The following CCDC69 variants were observed in gnomAD, a reference collection of about 807,000 sequenced individuals.
The protein encoded by CCDC69 is coiled-coil domain containing 69.
Under a neutral mutation model 40.3 loss-of-function variants are expected in CCDC69, and 38 were observed. The observed-to-expected ratio is 0.94, with a 90% CI of 0.73 to 1.24. The LOEUF is 1.24. CCDC69 is among the 50% of genes most tolerant of loss of function. The pLI is 0.00. For synonymous variants in CCDC69, 141 were observed against 138.9 expected, an observed-to-expected ratio of 1.02 and a Z score of -0.11; for missense variants, 389 against 357.9, an observed-to-expected ratio of 1.09 and a Z score of -0.70.
At chr5:151,196,503 G>T (rs999667670) in intron 4 of CCDC69, among the ~76,000 whole-genome samples, 1 of 151,968 alleles carries the variant, frequency 6.6e-6, no homozygotes, top group Non-Finnish European at 1.5e-5. Flanking sequence ...AAGGCCATGC[G>T]AATACTCATG....
chr5:151,200,275 A>G (rs1437409329), intron 3 of CCDC69, among the ~76,000 whole-genome samples: 2 of 152,014 alleles, frequency 1.3e-5, no homozygotes, highest in East Asian at 3.9e-4. Flanking sequence ...AGTAGCTGGG[A>G]TTACAGGCAT....
At chr5:151,216,035 T>A (rs1195974862) in intron 1 of CCDC69, among the ~76,000 whole-genome samples, 2 of 152,252 alleles carry the variant, frequency 1.3e-5, no homozygotes, top group Non-Finnish European at 2.9e-5. Context: ...CTTGGCTCAC[T>A]GCAACGTCCA....
At chr5:151,198,291 GATCTATCTATCTATCT>G (rs56093424) in intron 4 of CCDC69, among the ~76,000 whole-genome samples, 172 of 141,824 alleles carry the variant, frequency 1.2e-3, no homozygotes, top group Middle Eastern at 3.6e-3. Context: ...GAATGAGATT[GATCTATCTATCTATCT>G]ATCTATCTAT....
In CCDC69 at chr5:151,205,531, G is replaced by A. The variant is rs1752842333; in HGVS notation, c.49-56C>T. On this transcript the variant is annotated intron_variant, in intron 1 of 8. Coordinates refer to ENST00000355417, the MANE Select transcript of CCDC69 (RefSeq NM_015621.3). ...GGTAGAGGGTGGGAGGTCAATGCGA[G>A]GACGGGCTGCTATAGTGGGACTCTT... 26 of 1,439,978 alleles carry A rather than the reference G, an allele frequency of 1.8e-5. No individual in the cohort carries two copies. In the South Asian group the frequency reaches 2.6e-4, roughly 15 times the overall value. 89.2% of individuals were successfully genotyped at this position (1,439,978 alleles called of 1,614,324 possible).
At chr5:151,189,156 A>G (rs1186252903) in intron 4 of CCDC69, among the ~76,000 whole-genome samples, 7 of 152,368 alleles carry the variant, frequency 4.6e-5, no homozygotes, top group Admixed American at 3.9e-4. Context: ...ATGGTAATCA[A>G]TGTAAAAAGA....
chr5:151,219,816 A>G (rs2114006544), intron 1 of CCDC69, among the ~76,000 whole-genome samples: 1 of 152,228 alleles, frequency 6.6e-6, no homozygotes, highest in African/African-American at 2.4e-5. Flanking sequence ...TTTTAATGGA[A>G]TCGTAAATAT....
chr5:151,194,617 G>T (rs248446), intron 4 of CCDC69, among the ~76,000 whole-genome samples: 3 of 152,134 alleles, frequency 2.0e-5, no homozygotes, highest in Non-Finnish European at 4.4e-5. Flanking sequence ...ACATGCGGCA[G>T]GGCGCGGTGG....
At chr5:151,219,850 C>T (rs1054789422) in intron 1 of CCDC69, among the ~76,000 whole-genome samples, 7 of 151,862 alleles carry the variant, frequency 4.6e-5, no homozygotes, top group Admixed American at 2.0e-4. Context: ...GTTTGCATCC[C>T]CTCTAATATT....
intron 4 of CCDC69, among the ~76,000 whole-genome samples, chr5:151,188,747 T>G (rs1752564014): frequency 6.6e-6 from 1 of 152,136 alleles, no homozygotes; most frequent in Admixed American, 6.5e-5. Flanking sequence ...CTTTTTAAAA[T>G]TATTGGCCTA....
chr5:151,194,086 G>A (rs566865183), intron 4 of CCDC69, among the ~76,000 whole-genome samples: 9 of 152,214 alleles, frequency 5.9e-5, no homozygotes, highest in African/African-American at 2.2e-4. Context: ...AGTAGCAACG[G>A]TATAACTCAT....
chr5:151,199,642 C>A lies in CCDC69; in HGVS notation c.232-558G>T, dbSNP rs1752751135. Among the ~76,000 whole-genome samples the A allele has an allele frequency of 2.6e-5, 4 of 152,126 alleles. No individual in the cohort carries two copies. In the South Asian group the frequency reaches 8.3e-4, roughly 31 times the overall value. Reference sequence around the variant, plus strand: ...ACAGCTGATGGGGCATATCCAGAGGCAAGGCATGACTTAAATTAGGCATTC... The same window carrying A: ...ACAGCTGATGGGGCATATCCAGAGGAAAGGCATGACTTAAATTAGGCATTC... On this transcript the variant is annotated intron_variant, in intron 3 of 8. Transcript: ENST00000355417.
intron 1 of CCDC69, among the ~76,000 whole-genome samples, chr5:151,206,922 A>C (rs1007834334): frequency 5.4e-5 from 8 of 148,352 alleles, no homozygotes; most frequent in Non-Finnish European, 1.2e-4. Flanking sequence ...GAGCCACCGC[A>C]CTCGACCTTT....
At position 151,182,011 on chromosome 5, in the gene CCDC69, G is replaced by A. The variant is rs1265616814; in HGVS notation, c.*1426C>T. The A allele has an allele frequency of 6.6e-6, 1 of 152,168 alleles. No homozygotes were observed. The highest frequency in any genetic ancestry group is 1.5e-5 in the Non-Finnish European group (1 of 68,058). 9.4% of individuals were successfully genotyped at this position (152,168 alleles called of 1,614,324 possible). A position where few individuals can be genotyped will look rare whatever the true frequency, so the allele number is the denominator to read the frequency against. ...ACAGGGGAATACAGAAGGCAGTCTG[G>A]GATGATGTCACTATAGAATGACTGA... is the stretch of plus-strand genomic sequence containing the variant. On this transcript the variant is annotated 3_prime_UTR_variant, in exon 9 of 9. Transcript: ENST00000355417.
chr5:151,197,526 C>A (rs538666184), intron 4 of CCDC69, among the ~76,000 whole-genome samples: 1 of 151,926 alleles, frequency 6.6e-6, no homozygotes, highest in East Asian at 1.9e-4. Flanking sequence ...CTGTCTCAAA[C>A]AAACAAACAA....
chr5:151,196,594 T>C (rs1428180192), intron 4 of CCDC69, among the ~76,000 whole-genome samples: 2 of 152,190 alleles, frequency 1.3e-5, no homozygotes, highest in African/African-American at 2.4e-5. Flanking sequence ...CCAGAGAAGA[T>C]ACACAAGTCA....
At chr5:151,195,748 C>T (rs1326583874) in intron 4 of CCDC69, among the ~76,000 whole-genome samples, 1 of 147,192 alleles carries the variant, frequency 6.8e-6, no homozygotes, top group Admixed American at 6.8e-5. Context: ...AACACGCACA[C>T]TCACACCCAC....
chr5:151,201,496 A>G (rs1032587718), intron 3 of CCDC69, 86 bp downstream of exon 3: 5 of 851,828 alleles, frequency 5.9e-6, no homozygotes, highest in Admixed American at 4.8e-5. Flanking sequence ...CAACAGCAAC[A>G]AAAACCTAAG....
chr5:151,192,986 T>C (rs77899761), intron 4 of CCDC69, among the ~76,000 whole-genome samples: 28,822 of 152,140 alleles, frequency 0.19, 3,547 homozygotes, highest in Admixed American at 0.35. Context: ...GTCTAACAAC[T>C]ATTCACCTTA....
At chr5:151,221,507 C>T (rs896715169) in intron 1 of CCDC69, among the ~76,000 whole-genome samples, 2 of 152,226 alleles carry the variant, frequency 1.3e-5, no homozygotes, top group Non-Finnish European at 2.9e-5. Flanking sequence ...CCCTCATTCA[C>T]TCAAATATCT....
Sources: gnomAD v4.1 joint callset for allele counts (sites outside exome capture counted in the v4.1 genomes callset) on GRCh38, gnomAD v4.1.1 for gene constraint, MANE v1.5 for transcripts, NCBI Gene and HGNC (gene_info 2026-07-23, HGNC 2026-07-21) for gene names.